Variants in METTL8 observed in about 807,000 individuals in gnomAD.
METTL8 encodes the protein methyltransferase 8, tRNA N3-cytidine.
Under a neutral mutation model 48.7 loss-of-function variants are expected in METTL8, and 32 were observed. The ratio of observed to expected loss-of-function variants is 0.66; its 90% confidence interval spans 0.50 to 0.88. The LOEUF is 0.88. Among genes scored for constraint, METTL8 ranks in the 40% least tolerant of loss-of-function variants. METTL8 has a pLI of 0.00. For synonymous variants in METTL8, 136 were observed against 157.1 expected, an observed-to-expected ratio of 0.87 and a Z score of 1.01; for missense variants, 464 against 474.4, an observed-to-expected ratio of 0.98 and a Z score of 0.20.
At chr2:171,343,878 A>C (rs1687022492) in intron 3 of METTL8, among the ~76,000 whole-genome samples, 1 of 152,232 alleles carries the variant, frequency 6.6e-6, no homozygotes, top group Non-Finnish European at 1.5e-5. Flanking sequence ...ATGAGTCTGT[A>C]CTACTGTTTT....
chr2:171,392,509 T>C (rs1688669155), intron 1 of METTL8, among the ~76,000 whole-genome samples: 1 of 152,222 alleles, frequency 6.6e-6, no homozygotes, highest in Non-Finnish European at 1.5e-5. Context: ...TCTGAATTTG[T>C]GTACTAAAGA....
At chr2:171,386,363 G>A (rs1688049189) in intron 2 of METTL8, among the ~76,000 whole-genome samples, 1 of 152,184 alleles carries the variant, frequency 6.6e-6, no homozygotes, top group Admixed American at 6.5e-5. Flanking sequence ...GTTTAATGGA[G>A]CAGCTGTCCA....
At chr2:171,371,732 A>G (rs1010945773) in intron 2 of METTL8, among the ~76,000 whole-genome samples, 7 of 152,084 alleles carry the variant, frequency 4.6e-5, no homozygotes, top group Non-Finnish European at 8.8e-5. Context: ...CCTGAGTTCA[A>G]GCAATCTTTC....
At chr2:171,378,333 A>G (rs1687176223) in intron 2 of METTL8, among the ~76,000 whole-genome samples, 1 of 152,202 alleles carries the variant, frequency 6.6e-6, no homozygotes, top group Non-Finnish European at 1.5e-5. Context: ...ATCAAAAAAG[A>G]CAAAGAAGGG....
At chr2:171,357,701 T>C (rs896747473) in intron 3 of METTL8, among the ~76,000 whole-genome samples, 2 of 140,294 alleles carry the variant, frequency 1.4e-5, no homozygotes, top group Middle Eastern at 3.7e-3. Flanking sequence ...TTTCTCTCTC[T>C]TTTTTTTTTT....
Position 171,324,175 on chromosome 2 carries a change from G to T in METTL8, c.1221C>A (p.Asp407Glu). 1.3e-6 allele frequency: 2 copies of T among 1,546,796 alleles called. No homozygotes were observed. The highest frequency in any genetic ancestry group is 2.4e-5 in the South Asian group (2 of 83,702). Reference protein sequence around the residue: ...SNMVSTLLSQD With the variant: ...SNMVSTLLSQE ...GTACCTTAACATGTTACAAAGTTCA[G>T]TCTTGTGAAAGGAGTGTAGATACCA... Residue 407 changes from aspartate to glutamate, a missense_variant, in exon 10 of 10, where the codon GAC becomes GAA. Asp to Glu is a conservative substitution (Grantham distance 45). Coordinates refer to ENST00000375258, the MANE Select transcript of METTL8 (RefSeq NM_001321154.2).
Position 171,339,518 on chromosome 2 carries a change from G to T in METTL8, c.272C>A (p.Thr91Lys). 1 of 1,596,784 alleles carries T rather than the reference G, an allele frequency of 6.3e-7. No homozygotes were observed. Residue 91 changes from threonine to lysine, a missense_variant, in exon 4 of 10, where the codon ACA (threonine) becomes AAA (lysine). Transcript: ENST00000375258. ...YEREASKYWD[T>K]FYKIHKNKFF... ...CTTATTCTTATGAATCTTGTAAAATGTGTCCCAGTATTTACTAGCTTCTCT... is the reference window on the plus strand; with the variant it reads ...CTTATTCTTATGAATCTTGTAAAATTTGTCCCAGTATTTACTAGCTTCTCT...
At chr2:171,398,135 C>A (rs950173201) in intron 1 of METTL8, among the ~76,000 whole-genome samples, 1 of 152,154 alleles carries the variant, frequency 6.6e-6, no homozygotes. Flanking sequence ...AGCAATTCTA[C>A]TTCTGGGTAT....
Position 171,337,547 on chromosome 2 carries a change from A to G in METTL8, c.607-45T>C, listed in dbSNP as rs761591880. On this transcript the variant is annotated intron_variant, in intron 4 of 9. Transcript: ENST00000375258. ...CAAATATCAAAAAAAGCAAGGTTAA[A>G]TTTTTGTCACCAATGTCAGATCTCC... 8.6e-6 allele frequency: 13 copies of G among 1,508,548 alleles called. No homozygotes were observed. In the South Asian group the frequency reaches 9.8e-5, roughly 11 times the overall value. The allele number at this position is 1,508,548 out of a possible 1,614,324, so 93.4% of individuals were successfully genotyped here. A position where few individuals can be genotyped will look rare whatever the true frequency, so the allele number is the denominator to read the frequency against.
chr2:171,431,542 T>C (rs1559234516), intron 1 of METTL8, among the ~76,000 whole-genome samples: 1 of 152,218 alleles, frequency 6.6e-6, no homozygotes, highest in Non-Finnish European at 1.5e-5. Context: ...AAGAGCTGTT[T>C]TGTTGCTCAA....
chr2:171,405,536 G>T (rs1406143765), intron 1 of METTL8, among the ~76,000 whole-genome samples: 1 of 152,190 alleles, frequency 6.6e-6, no homozygotes, highest in Non-Finnish European at 1.5e-5. Context: ...AATGAATGTA[G>T]ATGACTGACA....
chr2:171,363,792 T>A (rs1446320980), intron 2 of METTL8, among the ~76,000 whole-genome samples: 19 of 97,454 alleles, frequency 1.9e-4, no homozygotes, highest in African/African-American at 6.6e-4. Flanking sequence ...TCCCCAAATT[T>A]TATATATATA....
intron 1 of METTL8, among the ~76,000 whole-genome samples, chr2:171,418,736 C>T (rs1040218708): frequency 6.6e-6 from 1 of 151,982 alleles, no homozygotes; most frequent in Non-Finnish European, 1.5e-5. Flanking sequence ...GGAGGATCAC[C>T]TAAGCTCAGG....
At chr2:171,334,601 G>GA (rs958774706) in intron 5 of METTL8, among the ~76,000 whole-genome samples, 4 of 151,016 alleles carry the variant, frequency 2.6e-5, no homozygotes, top group Non-Finnish European at 5.9e-5. Context: ...TTCTTAAGCA[G>GA]AAAAAAAAAG....
chr2:171,381,718 G>A (rs115062937), intron 2 of METTL8, among the ~76,000 whole-genome samples: 1,759 of 151,576 alleles, frequency 0.012, 38 homozygotes, highest in African/African-American at 0.035. Flanking sequence ...CACGAGAGTC[G>A]GAATGGCGAG....
At chr2:171,384,676 A>T (rs1424998344) in intron 2 of METTL8, among the ~76,000 whole-genome samples, 1 of 151,664 alleles carries the variant, frequency 6.6e-6, no homozygotes, top group Non-Finnish European at 1.5e-5. Flanking sequence ...CAAAAAAAAT[A>T]AAAAATTAGC....
Position 171,422,516 on chromosome 2 carries a change from A to G in METTL8, c.-13+11367T>C, listed in dbSNP as rs145300836. ...ATTTAATGTGAGCTTCTTTTTTTATATAGTATCAAATAAGCCACATATTGG... is the reference window on the plus strand; with the variant it reads ...ATTTAATGTGAGCTTCTTTTTTTATGTAGTATCAAATAAGCCACATATTGG... On this transcript the variant is annotated intron_variant, in intron 1 of 9. Transcript: ENST00000375258. Among the ~76,000 whole-genome samples, 231 of 152,328 alleles carry G rather than the reference A, an allele frequency of 1.5e-3. 4 individuals carry two copies. The East Asian group carries it at 0.016, about 11-fold the overall frequency.
chr2:171,316,098 AAAC>A lies in METTL8; in HGVS notation c.*8071_*8073del, dbSNP rs1281889217. Among the ~76,000 whole-genome samples the A allele has an allele frequency of 6.6e-6, 1 of 152,266 alleles. No individual in the cohort carries two copies. ...CAGCTTTTGCACATGCTTGGAGGAA[AAAC>A]AACACTATTAAAATGTCTTTTTAAA... On this transcript the variant is annotated 3_prime_UTR_variant, in exon 10 of 10. Coordinates refer to ENST00000375258, the MANE Select transcript of METTL8 (RefSeq NM_001321154.2).
At chr2:171,430,261 G>A (rs1460634603) in intron 1 of METTL8, among the ~76,000 whole-genome samples, 2 of 151,722 alleles carry the variant, frequency 1.3e-5, no homozygotes, top group Non-Finnish European at 2.9e-5. Context: ...GGGAGGCTGA[G>A]GCAGGAGAAT....
Sources: allele counts gnomAD v4.1 joint callset (sites outside exome capture counted in the v4.1 genomes callset), GRCh38; gene constraint gnomAD v4.1.1; transcripts MANE v1.5; gene names NCBI Gene and HGNC (gene_info 2026-07-23, HGNC 2026-07-21).